TCP1: variants seen among roughly 807,000 people sequenced by gnomAD.
The protein encoded by TCP1 is T-complex protein 1 subunit alpha.
TCP1 carries 6 observed loss-of-function variants against 54.7 expected under a neutral mutation model. The observed-to-expected ratio is 0.11, with a 90% CI of 0.06 to 0.22. TCP1 has a LOEUF of 0.22. Ranked by LOEUF, TCP1 falls within the 10% of genes least tolerant of loss-of-function variation. The pLI, the probability that TCP1 is intolerant of heterozygous loss-of-function variation, is 1.00. For synonymous variants in TCP1, 225 were observed against 229.7 expected, an observed-to-expected ratio of 0.98 and a Z score of 0.19; for missense variants, 511 against 678.2, an observed-to-expected ratio of 0.75 and a Z score of 2.74.
intron 4 of TCP1, 90 bp from the exon 5 acceptor site, chr6:159,785,586 G>A (rs367624758): frequency 2.2e-5 from 23 of 1,049,196 alleles, no homozygotes; most frequent in African/African-American, 1.7e-4. Context: ...CCAAAATGTC[G>A]TAAGTAATAA....
Position 159,778,658 on chromosome 6 carries a change from G to A in TCP1, c.*387C>T. 6.2e-7 allele frequency: 1 copy of A among 1,613,936 alleles called. No individual in the cohort carries two copies. The highest frequency in any genetic ancestry group is 8.5e-7 in the Non-Finnish European group (1 of 1,179,860). On this transcript the variant is annotated 3_prime_UTR_variant, in exon 12 of 12. Coordinates refer to ENST00000321394, the MANE Select transcript of TCP1 (RefSeq NM_030752.3). ...AATCTAAATCTTTTCTCCCCCGTTA[G>A]GTCAATATTGAAGGAGGGGCTATAG...
rs762355551 is a variant in TCP1 at position 159,785,404 on chromosome 6, G to C, written c.470C>G (p.Ser157Cys). 2 of 1,612,092 alleles carry C rather than the reference G, an allele frequency of 1.2e-6. No individual in the cohort carries two copies. Among genetic ancestry groups the C allele is most frequent in the South Asian group, 2.2e-5 (2 of 91,008 alleles). ...AGGATACATTCCAATGATTTTGGAAGACATGGATGTCTTAGCAGCATTAAT... is the reference window on the plus strand; with the variant it reads ...AGGATACATTCCAATGATTTTGGAACACATGGATGTCTTAGCAGCATTAAT... ...CLINAAKTSM[S>C]SKIIGINGDF... The change falls in exon 5 of 12, where the codon TCT becomes TGT. Residue 157 changes from serine (S) to cysteine (C), a missense_variant. This residue lies in a region of TCP1 where 305 missense variants were observed against 352.8 expected (regional missense o/e 0.86). Transcript: ENST00000321394.
intron 8 of TCP1, 125 bp from the exon 9 acceptor site, chr6:159,780,691 G>C: frequency 7.6e-7 from 1 of 1,314,662 alleles, no homozygotes; most frequent in Non-Finnish European, 1.0e-6. Flanking sequence ...GGCAGCACAC[G>C]GTAACTCCTT....
intron 3 of TCP1, among the ~76,000 whole-genome samples, chr6:159,787,200 G>A (rs1780720536): frequency 6.6e-6 from 1 of 152,154 alleles, no homozygotes; most frequent in African/African-American, 2.4e-5. Context: ...GCTGCAGTGA[G>A]ATATGACAGC....
chr6:159,781,477 T>C (rs532718438), intron 7 of TCP1, among the ~76,000 whole-genome samples: 1 of 152,150 alleles, frequency 6.6e-6, no homozygotes, highest in African/African-American at 2.4e-5. Flanking sequence ...AGGTGGACAA[T>C]GAAGATGAGT....
chr6:159,785,787 C>T, intron 4 of TCP1, 113 bp downstream of exon 4: 3 of 929,258 alleles, frequency 3.2e-6, no homozygotes, highest in Non-Finnish European at 5.1e-6. Flanking sequence ...AATGCTAAAA[C>T]ATTTAAATTG....
chr6:159,789,337 G>A, intron 1 of TCP1, 68 bp downstream of exon 1: 4 of 1,586,910 alleles, frequency 2.5e-6, no homozygotes, highest in Non-Finnish European at 3.5e-6. Flanking sequence ...AGGGCAGCCG[G>A]GGTCCGGTCG....
Sources: gnomAD v4.1 joint callset for allele counts (sites outside exome capture counted in the v4.1 genomes callset) on GRCh38, gnomAD v4.1.1 for gene constraint, gnomAD v4.1.1 regional missense constraint, MANE v1.5 for transcripts, NCBI Gene and HGNC (gene_info 2026-07-23, HGNC 2026-07-21) for gene names.